LMO7: variants seen among roughly 807,000 people sequenced by gnomAD.
LMO7 encodes the protein LIM domain only protein 7.
In LMO7, 120 loss-of-function variants were observed where a neutral mutation model predicts 206.5. That is an observed-to-expected ratio of 0.58 (90% CI 0.50 to 0.68). The LOEUF (loss-of-function observed/expected upper bound fraction) is 0.68, where lower values mean the gene tolerates loss of function less well. Ranked by LOEUF, LMO7 falls within the 30% of genes least tolerant of loss-of-function variation. The pLI, the probability that LMO7 is intolerant of heterozygous loss-of-function variation, is 0.00. For synonymous variants in LMO7, 706 were observed against 681.5 expected, an observed-to-expected ratio of 1.04 and a Z score of -0.56; for missense variants, 1,959 against 1,957.9, an observed-to-expected ratio of 1.00 and a Z score of -0.01.
chr13:75,714,064 T>A (rs1282795406), intron 2 of LMO7, among the ~76,000 whole-genome samples: 1 of 152,210 alleles, frequency 6.6e-6, no homozygotes, highest in East Asian at 1.9e-4. Context: ...GCACAGGTAT[T>A]TATGCTATCT....
intron 1 of LMO7, among the ~76,000 whole-genome samples, chr13:75,697,671 T>C (rs542447779): frequency 2.3e-4 from 35 of 152,348 alleles, no homozygotes; most frequent in Middle Eastern, 3.4e-3. Flanking sequence ...TGTGTATTGA[T>C]CTTTTATATT....
intron 26 of LMO7, among the ~76,000 whole-genome samples, chr13:75,848,155 C>T (rs1483118821): frequency 2.0e-5 from 3 of 152,020 alleles, no homozygotes; most frequent in African/African-American, 7.2e-5. Flanking sequence ...GATTTTGGTG[C>T]ACCCATCTCT....
intron 3 of LMO7, among the ~76,000 whole-genome samples, chr13:75,731,221 C>A (rs1335666178): frequency 6.6e-6 from 1 of 152,102 alleles, no homozygotes; most frequent in African/African-American, 2.4e-5. Flanking sequence ...CTAATGTTGA[C>A]AGTGGGGTGT....
chr13:75,832,163 A>G (rs2058723191), intron 15 of LMO7, among the ~76,000 whole-genome samples: 1 of 152,194 alleles, frequency 6.6e-6, no homozygotes, highest in African/African-American at 2.4e-5. Flanking sequence ...TTGCTTACTC[A>G]AAACAAAATA....
At chr13:75,721,049 CTTAA>C (rs1417821093) in intron 2 of LMO7, among the ~76,000 whole-genome samples, 6 of 151,994 alleles carry the variant, frequency 3.9e-5, no homozygotes, top group African/African-American at 1.5e-4. Context: ...AAGGCATTTA[CTTAA>C]TTAAGATAAC....
At chr13:75,752,142 TA>T (rs2047323191) in intron 3 of LMO7, among the ~76,000 whole-genome samples, 2 of 152,024 alleles carry the variant, frequency 1.3e-5, no homozygotes, top group East Asian at 1.9e-4. Context: ...ATTTTATTAT[TA>T]TTATTTTTGA....
chr13:75,720,253 T>C (rs2043905049), intron 2 of LMO7, among the ~76,000 whole-genome samples: 1 of 152,198 alleles, frequency 6.6e-6, no homozygotes, highest in Admixed American at 6.5e-5. Context: ...GATATGTCTT[T>C]TACAAATATT....
intron 1 of LMO7, among the ~76,000 whole-genome samples, chr13:75,672,467 C>T (rs2039671458): frequency 6.6e-6 from 1 of 152,018 alleles, no homozygotes; most frequent in African/African-American, 2.4e-5. Context: ...TCTCGAACTC[C>T]CTACCTCAGG....
At chr13:75,786,383 T>G (rs1378474037) in intron 4 of LMO7, among the ~76,000 whole-genome samples, 1 of 151,496 alleles carries the variant, frequency 6.6e-6, no homozygotes, top group African/African-American at 2.4e-5. Context: ...TCTTCTTTTT[T>G]TTTTTTTTTG....
At chr13:75,842,142 C>T (rs1056203983) in intron 24 of LMO7, among the ~76,000 whole-genome samples, 159 bp downstream of exon 24, 8 of 152,192 alleles carry the variant, frequency 5.3e-5, no homozygotes, top group African/African-American at 1.9e-4. Flanking sequence ...GCCATGTCAT[C>T]TTGCTTCACC....
intron 1 of LMO7, among the ~76,000 whole-genome samples, chr13:75,696,320 A>C (rs975535011): frequency 3.3e-5 from 5 of 152,034 alleles, no homozygotes; most frequent in African/African-American, 1.2e-4. Context: ...GTGCCATTGC[A>C]CTCCAGCCTG....
chr13:75,705,240 C>T (rs1266198570), intron 1 of LMO7, among the ~76,000 whole-genome samples: 3 of 152,164 alleles, frequency 2.0e-5, no homozygotes, highest in Non-Finnish European at 2.9e-5. Flanking sequence ...GCTTTTTTCC[C>T]AGAGGAGTCG....
At chr13:75,735,152 C>T (rs1378005866) in intron 3 of LMO7, among the ~76,000 whole-genome samples, 2 of 149,148 alleles carry the variant, frequency 1.3e-5, no homozygotes, top group Non-Finnish European at 1.5e-5. Flanking sequence ...TATGTATGTA[C>T]ATACACATGG....
At chr13:75,762,367 T>C (rs936922686) in intron 4 of LMO7, among the ~76,000 whole-genome samples, 1 of 152,216 alleles carries the variant, frequency 6.6e-6, no homozygotes, top group African/African-American at 2.4e-5. Context: ...CTTATCAACA[T>C]ATTTCTTCAT....
intron 1 of LMO7, among the ~76,000 whole-genome samples, chr13:75,709,670 T>A (rs576746762): frequency 5.1e-4 from 78 of 152,220 alleles, no homozygotes; most frequent in Non-Finnish European, 8.7e-4. Context: ...TGTAGATTTG[T>A]TTGAGTTCAT....
At chr13:75,835,440 C>A in intron 18 of LMO7, 101 bp downstream of exon 18, 1 of 666,968 alleles carries the variant, frequency 1.5e-6, no homozygotes, top group Non-Finnish European at 2.4e-6. Flanking sequence ...AATTTTGATG[C>A]TAACTTTAAA....
chr13:75,653,006 C>T (rs1024604527), intron 1 of LMO7, among the ~76,000 whole-genome samples: 10 of 152,028 alleles, frequency 6.6e-5, no homozygotes, highest in Non-Finnish European at 1.2e-4. Context: ...GAAGTCAACT[C>T]GGGGACAGAA....
intron 15 of LMO7, among the ~76,000 whole-genome samples, chr13:75,825,285 C>T (rs559760335): frequency 2.0e-5 from 3 of 152,066 alleles, no homozygotes; most frequent in Non-Finnish European, 2.9e-5. Context: ...AAAGCAGAAG[C>T]GAAGTGCCTT....
intron 20 of LMO7, 24 bp from the exon 21 acceptor site, chr13:75,840,061 C>T (rs372542117): frequency 6.2e-7 from 1 of 1,611,662 alleles, no homozygotes; most frequent in Non-Finnish European, 8.5e-7. Context: ...TATTTTTCTT[C>T]CTTGCCCATG....
Sources: gnomAD v4.1 joint callset for allele counts (sites outside exome capture counted in the v4.1 genomes callset) on GRCh38, gnomAD v4.1.1 for gene constraint, MANE v1.5 for transcripts, NCBI Gene and HGNC (gene_info 2026-07-23, HGNC 2026-07-21) for gene names.